The following LINGO2 variants were observed in gnomAD, a reference collection of about 807,000 sequenced individuals.
The protein encoded by LINGO2 is leucine-rich repeat and immunoglobulin-like domain-containing nogo receptor-interacting protein 2.
Under a neutral mutation model 30.6 loss-of-function variants are expected in LINGO2, and 14 were observed. The ratio of observed to expected loss-of-function variants is 0.46; its 90% CI spans 0.30 to 0.72. The LOEUF (loss-of-function observed/expected upper bound fraction) is 0.72. Among genes scored for constraint, LINGO2 ranks in the 30% least tolerant of loss-of-function variants. LINGO2 has a pLI of 0.07. For missense variants in LINGO2, 729 were observed against 751.7 expected (o/e 0.97, Z 0.35); for synonymous variants, 317 against 288.5 (o/e 1.10, Z -1.00).
the LINGO2 span, among the ~76,000 whole-genome samples, chr9:29,027,690 A>G: frequency 6.6e-6 from 1 of 152,154 alleles, no homozygotes; most frequent in South Asian, 2.1e-4. Context: ...AATTAGTCTA[A>G]TTGATTGTTC....
chr9:28,211,364 G>A (rs1820586574), intron 4 of LINGO2, among the ~76,000 whole-genome samples: 1 of 149,632 alleles, frequency 6.7e-6, no homozygotes, highest in South Asian at 2.1e-4. Context: ...CTCATCTCCA[G>A]AGAGCACCTG....
At chr9:27,952,244 G>A (rs933955988) in intron 5 of LINGO2, among the ~76,000 whole-genome samples, 7 of 151,738 alleles carry the variant, frequency 4.6e-5, no homozygotes, top group Non-Finnish European at 1.5e-5. Context: ...TCTCAGTCAT[G>A]GCATCTCAAA....
chr9:29,189,739 C>G, the LINGO2 span, among the ~76,000 whole-genome samples: 2 of 152,152 alleles, frequency 1.3e-5, no homozygotes, highest in Non-Finnish European at 2.9e-5. Context: ...ACTGAGTGAA[C>G]GAGACTCCGT....
intron 4 of LINGO2, among the ~76,000 whole-genome samples, chr9:28,201,839 C>T (rs937494675): frequency 2.6e-5 from 4 of 152,032 alleles, no homozygotes; most frequent in Non-Finnish European, 5.9e-5. Flanking sequence ...TTAAATTCCT[C>T]TACAACCTTC....
chr9:28,911,780 ATAAT>A, the LINGO2 span, among the ~76,000 whole-genome samples: 1 of 152,232 alleles, frequency 6.6e-6, no homozygotes, highest in East Asian at 1.9e-4. Context: ...CTAAACATAC[ATAAT>A]TAATGCCATA....
the LINGO2 span, among the ~76,000 whole-genome samples, chr9:28,745,921 G>A: frequency 2.0e-5 from 3 of 152,014 alleles, no homozygotes; most frequent in South Asian, 2.1e-4. Context: ...TATAAAGAAC[G>A]TATTTCAACT....
the LINGO2 span, among the ~76,000 whole-genome samples, chr9:29,168,216 G>A: frequency 1.6e-3 from 242 of 151,286 alleles, no homozygotes; most frequent in African/African-American, 5.7e-3. Context: ...CTGGAAGGAA[G>A]ACTTTTCTTA....
At chr9:28,029,271 T>C (rs1225538781) in intron 4 of LINGO2, among the ~76,000 whole-genome samples, 3 of 152,292 alleles carry the variant, frequency 2.0e-5, no homozygotes, top group African/African-American at 7.2e-5. Flanking sequence ...CGAGGTCAGA[T>C]CCACAGGATC....
intron 4 of LINGO2, among the ~76,000 whole-genome samples, chr9:28,225,016 G>A (rs1306537260): frequency 1.3e-5 from 2 of 152,138 alleles, no homozygotes; most frequent in Admixed American, 6.5e-5. Context: ...ATACCTTGAA[G>A]AAAGGACAGT....
At chr9:29,079,984 G>T in the LINGO2 span, among the ~76,000 whole-genome samples, 29,991 of 151,946 alleles carry the variant, frequency 0.2, 3,101 homozygotes, top group African/African-American at 0.24. Context: ...AGTCACAAAT[G>T]ACAGGAAAAT....
intron 4 of LINGO2, among the ~76,000 whole-genome samples, chr9:28,086,320 G>A (rs1368325572): frequency 1.3e-5 from 2 of 151,984 alleles, no homozygotes; most frequent in Admixed American, 1.3e-4. Context: ...ATACAACTCA[G>A]AAACCAGAAA....
the LINGO2 span, among the ~76,000 whole-genome samples, chr9:28,836,206 G>A: frequency 1.3e-5 from 2 of 152,138 alleles, no homozygotes; most frequent in African/African-American, 4.8e-5. Context: ...GTGACTGACG[G>A]GAAATGTTCT....
Position 28,522,891 on chromosome 9 carries a change from A to C in LINGO2, c.-364-46866T>G, listed in dbSNP as rs949002110. ...AAGGAACCTGTAGAAATCAGAAAAA[A>C]AAAATATGGGAATAAGTTCTAAGAA... On this transcript the variant is annotated intron_variant, in intron 1 of 5. Coordinates refer to ENST00000379992, the Ensembl canonical transcript of LINGO2. 3.9e-5 allele frequency among the ~76,000 whole-genome samples: 6 copies of C among 152,160 alleles called. No homozygotes were observed. The East Asian group carries it at 1.2e-3, about 29-fold the overall frequency.
At chr9:28,864,258 A>T in the LINGO2 span, among the ~76,000 whole-genome samples, 4 of 152,236 alleles carry the variant, frequency 2.6e-5, no homozygotes, top group Non-Finnish European at 5.9e-5. Flanking sequence ...GGCAATCATT[A>T]AATGAGTTTA....
intron 3 of LINGO2, among the ~76,000 whole-genome samples, chr9:28,363,367 G>A (rs1387499321): frequency 6.6e-6 from 1 of 152,172 alleles, no homozygotes. Context: ...CCAGACCTGA[G>A]GCTAAGCAAT....
At chr9:28,698,408 TG>T in the LINGO2 span, among the ~76,000 whole-genome samples, 1 of 152,088 alleles carries the variant, frequency 6.6e-6, no homozygotes, top group Non-Finnish European at 1.5e-5. Context: ...GTTGTATCAA[TG>T]TTTAATATTA....
intron 4 of LINGO2, among the ~76,000 whole-genome samples, chr9:28,154,327 AAT>A (rs1020018084): frequency 6.6e-6 from 1 of 152,176 alleles, no homozygotes; most frequent in African/African-American, 2.4e-5. Context: ...TCCTACTCAA[AAT>A]AAAGTTCACC....
At chr9:28,849,600 A>G in the LINGO2 span, among the ~76,000 whole-genome samples, 15 of 152,098 alleles carry the variant, frequency 9.9e-5, no homozygotes, top group South Asian at 1.7e-3. Context: ...AAAAGTTGTC[A>G]TTATTTCTCT....
intron 4 of LINGO2, among the ~76,000 whole-genome samples, chr9:28,209,689 C>T (rs1820525812): frequency 6.6e-6 from 1 of 151,680 alleles, no homozygotes; most frequent in Admixed American, 6.6e-5. Context: ...ATGGTTAAAA[C>T]ATTTTCTATG....
Sources: allele counts gnomAD v4.1 joint callset (sites outside exome capture counted in the v4.1 genomes callset), GRCh38; gene constraint gnomAD v4.1.1; transcripts MANE v1.5; gene names NCBI Gene and HGNC (gene_info 2026-07-23, HGNC 2026-07-21).